Variants in GALNTL6 observed in about 807,000 individuals in gnomAD.
GALNTL6 encodes the protein polypeptide N-acetylgalactosaminyltransferase-like 6.
A neutral mutation model predicts 73.7 loss-of-function variants in GALNTL6; 46 were observed. That is an observed-to-expected ratio of 0.62 (90% CI 0.49 to 0.80). GALNTL6 has a LOEUF of 0.80. GALNTL6 is among the 30% of genes least tolerant of loss of function. GALNTL6 has a pLI of 0.00. For synonymous variants in GALNTL6, 259 were observed against 263.7 expected, an observed-to-expected ratio of 0.98 and a Z score of 0.17; for missense variants, 604 against 755.0, an observed-to-expected ratio of 0.80 and a Z score of 2.34.
At chr4:172,655,092 T>C (rs1359741660) in intron 5 of GALNTL6, among the ~76,000 whole-genome samples, 1 of 152,180 alleles carries the variant, frequency 6.6e-6, no homozygotes, top group Admixed American at 6.5e-5. Context: ...ATGGGTGTAT[T>C]TTAGGTCATA....
At chr4:172,613,066 CCA>C (rs1359189232) in intron 5 of GALNTL6, among the ~76,000 whole-genome samples, 1 of 152,074 alleles carries the variant, frequency 6.6e-6, no homozygotes, top group African/African-American at 2.4e-5. Context: ...CATTCAGCTT[CCA>C]CATGTACCAG....
At chr4:172,648,769 G>A (rs1194580689) in intron 5 of GALNTL6, among the ~76,000 whole-genome samples, 3 of 152,226 alleles carry the variant, frequency 2.0e-5, no homozygotes, top group Admixed American at 1.3e-4. Flanking sequence ...GCTGATATTT[G>A]CATTCTAGGC....
chr4:172,519,753 G>C (rs1219267163), intron 5 of GALNTL6, among the ~76,000 whole-genome samples: 1 of 151,456 alleles, frequency 6.6e-6, no homozygotes, highest in Non-Finnish European at 1.5e-5. Flanking sequence ...TTTTCTTTTT[G>C]CCTTGCCTCT....
intron 5 of GALNTL6, among the ~76,000 whole-genome samples, chr4:172,761,890 T>G (rs145525968): frequency 5.3e-4 from 80 of 152,358 alleles, no homozygotes; most frequent in African/African-American, 1.8e-3. Flanking sequence ...AACGAACTAA[T>G]ACAATGTTCT....
intron 8 of GALNTL6, among the ~76,000 whole-genome samples, chr4:172,903,774 C>A (rs1746745784): frequency 6.6e-6 from 1 of 152,086 alleles, no homozygotes; most frequent in Non-Finnish European, 1.5e-5. Context: ...GTAATAGAAT[C>A]CTTTCGGGGG....
intron 7 of GALNTL6, among the ~76,000 whole-genome samples, chr4:172,877,573 A>G (rs1745254164): frequency 6.6e-6 from 1 of 152,008 alleles, no homozygotes; most frequent in African/African-American, 2.4e-5. Context: ...AATTTAGCTA[A>G]GTTTAGAATA....
At chr4:172,092,865 T>C (rs1732242955) in intron 2 of GALNTL6, among the ~76,000 whole-genome samples, 1 of 150,914 alleles carries the variant, frequency 6.6e-6, no homozygotes, top group African/African-American at 2.4e-5. Flanking sequence ...AAGCTAATTT[T>C]TTTTCTTTTC....
chr4:172,061,113 A>G (rs1313163479), intron 2 of GALNTL6, among the ~76,000 whole-genome samples: 1 of 152,142 alleles, frequency 6.6e-6, no homozygotes, highest in African/African-American at 2.4e-5. Context: ...TTATTGTACA[A>G]ATTCATACAA....
intron 8 of GALNTL6, among the ~76,000 whole-genome samples, chr4:172,883,132 A>G (rs1420246769): frequency 6.6e-6 from 1 of 152,166 alleles, no homozygotes; most frequent in Non-Finnish European, 1.5e-5. Context: ...TGAAATTTTG[A>G]AACATGTATA....
intron 2 of GALNTL6, among the ~76,000 whole-genome samples, chr4:172,074,723 CA>C (rs151002742): frequency 0.018 from 2,733 of 152,158 alleles, 71 homozygotes; most frequent in African/African-American, 0.059. Flanking sequence ...ATATGGAAAA[CA>C]GGGCTTTAAT....
At chr4:172,454,174 G>T (rs1295778509) in intron 5 of GALNTL6, among the ~76,000 whole-genome samples, 1 of 152,248 alleles carries the variant, frequency 6.6e-6, no homozygotes, top group Non-Finnish European at 1.5e-5. Flanking sequence ...GTCAGAAAAA[G>T]ATTTACTGTA....
chr4:171,828,303 A>G (rs1734878019), intron 2 of GALNTL6, among the ~76,000 whole-genome samples: 1 of 152,180 alleles, frequency 6.6e-6, no homozygotes, highest in South Asian at 2.1e-4. Context: ...TGTCTAGTAA[A>G]TCGCTATCTC....
intron 2 of GALNTL6, among the ~76,000 whole-genome samples, chr4:171,974,674 T>A (rs1309067256): frequency 6.6e-6 from 1 of 152,200 alleles, no homozygotes; most frequent in East Asian, 1.9e-4. Flanking sequence ...AAGTATGTTT[T>A]AATACACAGC....
chr4:172,385,641 C>G (rs558071154), intron 5 of GALNTL6, among the ~76,000 whole-genome samples: 2 of 151,748 alleles, frequency 1.3e-5, no homozygotes, highest in South Asian at 4.2e-4. Flanking sequence ...TTTTTACTGT[C>G]AACCTATTAT....
intron 2 of GALNTL6, among the ~76,000 whole-genome samples, chr4:171,852,730 A>G (rs906703285): frequency 4.6e-5 from 7 of 152,070 alleles, no homozygotes; most frequent in Non-Finnish European, 1.5e-5. Flanking sequence ...TGTTAATTGA[A>G]TGTGGTTAGA....
chr4:172,087,247 T>C (rs1369042082), intron 2 of GALNTL6, among the ~76,000 whole-genome samples: 2 of 151,840 alleles, frequency 1.3e-5, no homozygotes, highest in Non-Finnish European at 2.9e-5. Context: ...ATTGAGACCA[T>C]CCTGGCTAAC....
chr4:172,313,878 A>G (rs1231919793), intron 4 of GALNTL6, among the ~76,000 whole-genome samples: 1 of 152,212 alleles, frequency 6.6e-6, no homozygotes, highest in Non-Finnish European at 1.5e-5. Context: ...GTATACTACC[A>G]GGAATAAGGT....
chr4:171,912,593 A>G (rs553926002), intron 2 of GALNTL6, among the ~76,000 whole-genome samples: 22 of 152,298 alleles, frequency 1.4e-4, no homozygotes, highest in African/African-American at 4.8e-4. Context: ...TTTGAAATAT[A>G]CAATAAATTA....
chr4:172,599,496 G>A (rs1737978430), intron 5 of GALNTL6, among the ~76,000 whole-genome samples: 1 of 152,104 alleles, frequency 6.6e-6, no homozygotes, highest in Admixed American at 6.6e-5. Flanking sequence ...TTAACAAACA[G>A]CCACTGGTTC....
Sources: gnomAD v4.1 joint callset for allele counts (sites outside exome capture counted in the v4.1 genomes callset) on GRCh38, gnomAD v4.1.1 for gene constraint, MANE v1.5 for transcripts, NCBI Gene and HGNC (gene_info 2026-07-23, HGNC 2026-07-21) for gene names.